Variants in MPST observed in about 807,000 individuals in gnomAD.
MPST encodes 3-mercaptopyruvate sulfurtransferase.
Under a neutral mutation model 28.5 loss-of-function variants are expected in MPST, and 27 were observed. The ratio of observed to expected loss-of-function variants is 0.95; its 90% CI spans 0.70 to 1.31. The LOEUF (loss-of-function observed/expected upper bound fraction) is 1.31. MPST is among the 50% of genes most tolerant of loss of function. The pLI, the probability that MPST is intolerant of heterozygous loss-of-function variation, is 0.00. For synonymous variants in MPST, 204 were observed against 209.3 expected (o/e 0.97, Z 0.22); for missense variants, 492 against 471.1 (o/e 1.04, Z -0.41).
At position 37,024,789 on chromosome 22, in the gene MPST, A is replaced by G; in HGVS notation, c.634A>G (p.Thr212Ala). The G allele has an allele frequency of 6.2e-7, 1 of 1,602,626 alleles. No individual in the cohort carries two copies. Among genetic ancestry groups the G allele is most frequent in the Non-Finnish European group, 8.5e-7 (1 of 1,179,462 alleles). Residue 212 changes from threonine to alanine, a missense_variant, in exon 2 of 3, where the codon ACC becomes GCC. By Grantham distance (58) the Thr-to-Ala change is moderately conservative. Coordinates refer to ENST00000429360, the MANE Select transcript of MPST (RefSeq NM_021126.8). ...CCGAGCCACTGGCAGGTTCCGCGGC[A>G]CCGAGCCCGAGCCCCGAGACGGTAA... ...DSRATGRFRG[T>A]EPEPRDGIEP...
rs186600981 is a variant in MPST at position 37,022,619 on chromosome 22, T to A, written c.37-1573T>A. Among the ~76,000 whole-genome samples, 10 of 152,322 alleles carry A rather than the reference T, an allele frequency of 6.6e-5. No homozygotes were observed. In the East Asian group the frequency reaches 1.9e-3, roughly 29 times the overall value. ...CTGCAAATCCTGAGGCTGCCTCCTG[T>A]GACCACGGGCAAGGCACTTATTCTT... is the stretch of plus-strand genomic sequence containing the variant. On this transcript the variant is annotated intron_variant, in intron 1 of 2. Transcript: ENST00000429360.
intron 2 of MPST, chr22:37,025,134 A>T: frequency 7.1e-7 from 1 of 1,399,656 alleles, no homozygotes; most frequent in Non-Finnish European, 9.4e-7. Flanking sequence ...TGAGGTGGGG[A>T]AGGAGATTTG....
chr22:37,027,535 G>A (rs1414330768), intron 2 of MPST: 1 of 152,104 alleles, frequency 6.6e-6, no homozygotes, highest in African/African-American at 2.4e-5. Flanking sequence ...GACCATCCTG[G>A]ACATGATGGC....
chr22:37,029,448 G>A lies in MPST; in HGVS notation c.888G>A (p.Trp296Ter). The A allele has an allele frequency of 6.2e-7, 1 of 1,613,624 alleles. No individual in the cohort carries two copies. Among genetic ancestry groups the A allele is most frequent in the Non-Finnish European group, 8.5e-7 (1 of 1,179,986 alleles). Residue 296 changes from tryptophan to a stop codon, truncating the protein, a stop_gained, in exon 3 of 3, where the codon TGG becomes TGA. Coordinates refer to ENST00000429360, the MANE Select transcript of MPST (RefSeq NM_021126.8). LOFTEE classifies it high-confidence loss of function. ...ACGTGCCCATCTACGATGGCTCCTGGGTGGAGTGGTACATGCGCGCCCGGC... is the reference window on the plus strand; with the variant it reads ...ACGTGCCCATCTACGATGGCTCCTGAGTGGAGTGGTACATGCGCGCCCGGC... ...KPDVPIYDGS[W>*]VEWYMRARPE...
chr22:37,020,372 C>T lies in MPST; in HGVS notation c.36+500C>T, dbSNP rs6000535. Among the ~76,000 whole-genome samples the T allele has an allele frequency of 9.8e-3, 1,499 of 152,204 alleles. 35 individuals carry two copies. The highest frequency in any genetic ancestry group is 0.072 in the South Asian group (349 of 4,818). On this transcript the variant is annotated intron_variant, in intron 1 of 2. Transcript: ENST00000429360. ...TGGAGGACACACCCAGAGTTGAGGC[C>T]GGGCCTGATCCCTGGTCTGAAGCCC...
chr22:37,023,688 A>G, intron 1 of MPST: 1 of 877,024 alleles, frequency 1.1e-6, no homozygotes, highest in Non-Finnish European at 1.5e-6. Flanking sequence ...TTGTTCTAGG[A>G]TATTGTTAGG....
chr22:37,029,365 G>A lies in MPST; in HGVS notation c.805G>A (p.Gly269Ser). 6.2e-7 allele frequency: 1 copy of A among 1,614,054 alleles called. No homozygotes were observed. The highest frequency in any genetic ancestry group is 2.2e-5 in the East Asian group (1 of 44,882). The part of the protein sequence containing the change: ...DLSKPLVATC[G>S]SGVTACHVAL... ...GTCTAAGCCACTGGTGGCCACGTGT[G>A]GCTCTGGCGTCACAGCCTGCCACGT... The change falls in exon 3 of 3, where the codon GGC (glycine) becomes AGC (serine). Residue 269 changes from glycine to serine, a missense_variant. Gly to Ser is a moderately conservative substitution (Grantham distance 56). Coordinates refer to ENST00000429360, the MANE Select transcript of MPST (RefSeq NM_021126.8).
chr22:37,022,840 G>C (rs374128178), intron 1 of MPST, among the ~76,000 whole-genome samples: 2 of 152,230 alleles, frequency 1.3e-5, no homozygotes, highest in East Asian at 3.8e-4. Context: ...AGTGAGGGCT[G>C]ATCTGCAGCC....
chr22:37,022,168 G>A (rs1312499159), intron 1 of MPST, among the ~76,000 whole-genome samples: 1 of 152,072 alleles, frequency 6.6e-6, no homozygotes, highest in African/African-American at 2.4e-5. Flanking sequence ...GCAGATAATG[G>A]GGATCACCCC....
At chr22:37,023,765 AT>A in intron 1 of MPST, 1 of 1,151,280 alleles carries the variant, frequency 8.7e-7, no homozygotes, top group South Asian at 1.7e-5. Context: ...GCCAATATAA[AT>A]GCTTGATGAG....
Position 37,024,226 on chromosome 22 carries a change from C to T in MPST, c.71C>T (p.Pro24Leu), listed in dbSNP as rs560363609. The T allele has an allele frequency of 1.3e-5, 18 of 1,391,748 alleles. No individual in the cohort carries two copies. Among genetic ancestry groups the T allele is most frequent in the South Asian group, 8.0e-5 (5 of 62,742 alleles). 86.2% of individuals were successfully genotyped at this position (1,391,748 alleles called of 1,614,324 possible). Reference protein sequence around the residue: ...RSPSVAAMASPQLCRALVSAQ... With the variant: ...RSPSVAAMASLQLCRALVSAQ... ...CCGAGTGTCGCCGCCATGGCTTCGC[C>T]GCAGCTCTGCCGCGCGCTGGTGTCG... Residue 24 changes from proline (P) to leucine (L), a missense_variant, in exon 2 of 3, where the codon CCG becomes CTG. Coordinates refer to ENST00000429360, the MANE Select transcript of MPST (RefSeq NM_021126.8).
chr22:37,029,549 C>T lies in MPST; in HGVS notation c.*35C>T, dbSNP rs201300217. 18 of 1,548,910 alleles carry T rather than the reference C, an allele frequency of 1.2e-5. No individual in the cohort carries two copies. The highest frequency in any genetic ancestry group is 5.7e-5 in the Admixed American group (3 of 52,632). ...GGACACAGGCGAGCTCAGGTGATGC[C>T]GGCCACCAGCAATGCCTGGCCTGGT... On this transcript the variant is annotated 3_prime_UTR_variant, in exon 3 of 3. Transcript: ENST00000429360.
At chr22:37,029,117 C>A in intron 2 of MPST, 99 bp from the exon 3 acceptor site, 1 of 1,125,446 alleles carries the variant, frequency 8.9e-7, no homozygotes, top group Non-Finnish European at 1.3e-6. Flanking sequence ...TAGCACCATG[C>A]TTGCATGGGA....
At chr22:37,022,849 C>T (rs1197997047) in intron 1 of MPST, among the ~76,000 whole-genome samples, 1 of 152,188 alleles carries the variant, frequency 6.6e-6, no homozygotes, top group Non-Finnish European at 1.5e-5. Context: ...TGATCTGCAG[C>T]CCATACTCCA....
chr22:37,024,648 G>C lies in MPST; in HGVS notation c.493G>C (p.Gly165Arg). ...GCGCCAGAACCTCCCGCTCAGCTCCGGCAAGAGCCAACCTGCTCCCGCCGA... is the reference window on the plus strand; with the variant it reads ...GCGCCAGAACCTCCCGCTCAGCTCCCGCAAGAGCCAACCTGCTCCCGCCGA... ...WLRQNLPLSS[G>R]KSQPAPAEFR... The change falls in exon 2 of 3, where the codon GGC becomes CGC. Residue 165 changes from glycine to arginine, a missense_variant. Transcript: ENST00000429360. 4 of 1,593,344 alleles carry C rather than the reference G, an allele frequency of 2.5e-6. No individual in the cohort carries two copies. The highest frequency in any genetic ancestry group is 3.4e-6 in the Non-Finnish European group (4 of 1,174,616).
intron 2 of MPST, chr22:37,025,943 C>T (rs1300761018): frequency 1.3e-5 from 2 of 152,240 alleles, no homozygotes; most frequent in East Asian, 3.8e-4. Context: ...AGCTCAGTAC[C>T]TGGCACAGAG....
chr22:37,021,816 G>A (rs1923098521), intron 1 of MPST, among the ~76,000 whole-genome samples: 2 of 152,118 alleles, frequency 1.3e-5, no homozygotes, highest in Admixed American at 1.3e-4. Flanking sequence ...TGTAATGCAT[G>A]GTGGTTGCCC....
intron 1 of MPST, chr22:37,023,873 C>T (rs1407468421): frequency 2.0e-6 from 3 of 1,465,618 alleles, no homozygotes; most frequent in African/African-American, 2.8e-5. Flanking sequence ...GCCTTGAAGC[C>T]AGCAGGGCCT....
At chr22:37,026,103 T>A (rs1429168887) in intron 2 of MPST, 1 of 152,208 alleles carries the variant, frequency 6.6e-6, no homozygotes, top group Admixed American at 6.5e-5. Context: ...TGGTTCAGCC[T>A]AATGAGAGCA....
Sources: gnomAD v4.1 joint callset for allele counts (sites outside exome capture counted in the v4.1 genomes callset) on GRCh38, gnomAD v4.1.1 for gene constraint, MANE v1.5 for transcripts, NCBI Gene and HGNC (gene_info 2026-07-23, HGNC 2026-07-21) for gene names.